Variants in MKNK2 observed in about 807,000 individuals in gnomAD.
MKNK2 encodes MAP kinase-interacting serine/threonine-protein kinase 2.
MKNK2 carries 54 observed loss-of-function variants against 55.0 expected under a neutral mutation model. The observed-to-expected ratio is 0.98, with a 90% CI of 0.79 to 1.23. The LOEUF (loss-of-function observed/expected upper bound fraction) is 1.23. Among genes scored for constraint, MKNK2 ranks in the 50% most tolerant of loss-of-function variants. The pLI is 0.00. For synonymous variants in MKNK2, 323 were observed against 256.0 expected, an observed-to-expected ratio of 1.26 and a Z score of -2.50; for missense variants, 685 against 632.1, an observed-to-expected ratio of 1.08 and a Z score of -0.90.
Position 2,042,651 on chromosome 19 carries a change from T to A in MKNK2, c.610A>T (p.Arg204Trp). The change falls in exon 9 of 14, where the codon AGG (arginine) becomes TGG (tryptophan). Residue 204 changes from arginine to tryptophan, a missense_variant. Physicochemically the swap from Arg to Trp is moderately radical, Grantham distance 101 (BLOSUM62 -3). Coordinates refer to ENST00000250896, the MANE Select transcript of MKNK2 (RefSeq NM_199054.3). ...DFLHNKGIAH[R>W]DLKPENILCE... ...AGGATGTTTTCCGGCTTTAGGTCCC[T>A]GTGGGCGATGCCTGGGGGAGAAGCC... The A allele has an allele frequency of 6.4e-7, 1 of 1,562,164 alleles. No homozygotes were observed. Among genetic ancestry groups the A allele is most frequent in the Non-Finnish European group, 8.7e-7 (1 of 1,152,562 alleles).
Position 2,038,247 on chromosome 19 carries a change from G to GA in MKNK2, c.*1365_*1366insT. 1 of 959,036 alleles carries GA rather than the reference G, an allele frequency of 1.0e-6. No homozygotes were observed. The highest frequency in any genetic ancestry group is 1.2e-6 in the Non-Finnish European group (1 of 806,668). The allele number at this position is 959,036 out of a possible 1,614,324, so 59.4% of individuals were successfully genotyped here. ...GGGAAGCAAAGTCCATCGATGTGTT[G>GA]TTTTTTTTTAAGGAAAAACTAAAAA... On this transcript the variant is annotated 3_prime_UTR_variant, in exon 14 of 14. Coordinates refer to ENST00000250896, the MANE Select transcript of MKNK2 (RefSeq NM_199054.3).
chr19:2,046,491 G>T lies in MKNK2; in HGVS notation c.140-23C>A, dbSNP rs369485731. ...TGTCTGTTCCAGGAGGCACGCCCAG[G>T]GGGCTCAGGACATGGCCCTGGCCGG... On this transcript the variant is annotated intron_variant, in intron 3 of 13. Transcript: ENST00000250896. The T allele has an allele frequency of 2.5e-6, 4 of 1,601,236 alleles. No homozygotes were observed. The African/African-American group carries it at 4.0e-5, about 16-fold the overall frequency.
At chr19:2,040,473 C>A in intron 12 of MKNK2, 1 of 432,960 alleles carries the variant, frequency 2.3e-6, no homozygotes, top group Admixed American at 3.9e-5. Flanking sequence ...CTGTTCCCAG[C>A]CCAAACCCAC....
rs1398251355 is a variant in MKNK2, at chr19:2,046,640, C to G, written c.103G>C (p.Asp35His). ...AFSLDQPDHG[D>H]SDFGLQCSAR... The stretch of plus-strand genomic sequence containing the variant: ...GAGCACTGCAGGCCAAAGTCAGAGT[C>G]TCCGTGGTCGGGCTGGTCTAGGGAG... The change falls in exon 3 of 14, where the codon GAC (aspartate) becomes CAC (histidine). Residue 35 changes from aspartate (D) to histidine (H), a missense_variant. By Grantham distance (81) the Asp-to-His change is moderately conservative. Transcript: ENST00000250896. The G allele has an allele frequency of 6.4e-7, 1 of 1,566,190 alleles. No homozygotes were observed. The highest frequency in any genetic ancestry group is 2.0e-5 in the Admixed American group (1 of 50,860).
intron 5 of MKNK2, 42 bp from the exon 6 acceptor site, chr19:2,043,624 G>T: frequency 6.3e-7 from 1 of 1,574,898 alleles, no homozygotes; most frequent in Non-Finnish European, 8.7e-7. Flanking sequence ...TTGGTGGGAC[G>T]CTCATAGTCG....
chr19:2,039,662 C>G lies in MKNK2; in HGVS notation c.1349G>C (p.Arg450Thr), dbSNP rs1355898630. Residue 450 changes from arginine (R) to threonine (T), a missense_variant, in exon 14 of 14, where the codon AGG (arginine) becomes ACG (threonine). Coordinates refer to ENST00000250896, the MANE Select transcript of MKNK2 (RefSeq NM_199054.3). ...CACTGGGGCCGAGGACAGACTGGCC[C>G]TTTGCCGCCGCTGCGCCAGCTTGGA... ...SQSKLAQRRQ[R>T]ASLSSAPVVL... is the part of the protein sequence containing the mutation. The G allele has an allele frequency of 6.2e-7, 1 of 1,612,642 alleles. No individual in the cohort carries two copies. The highest frequency in any genetic ancestry group is 1.7e-5 in the Admixed American group (1 of 59,992).
chr19:2,040,845 G>A (rs930298260), intron 12 of MKNK2, 195 bp downstream of exon 12: 5 of 609,378 alleles, frequency 8.2e-6, no homozygotes, highest in Non-Finnish European at 1.1e-5. Context: ...CCGCCTGGCT[G>A]GCCAGCGGGC....
chr19:2,048,261 A>G (rs2017041440), intron 2 of MKNK2, among the ~76,000 whole-genome samples: 1 of 152,102 alleles, frequency 6.6e-6, no homozygotes, highest in Non-Finnish European at 1.5e-5. Flanking sequence ...CCCCAGGACC[A>G]TGGGAGCAAG....
Position 2,039,735 on chromosome 19 carries a change from G to A in MKNK2, c.1276C>T (p.Leu426=). The change falls in exon 14 of 14, where the codon CTG becomes TTG. Residue 426 remains leucine (L), a synonymous_variant. Coordinates refer to ENST00000250896, the MANE Select transcript of MKNK2 (RefSeq NM_199054.3). The part of the protein sequence containing the change: ...EEAAGQGQPV[L]VRATSRCLQL... Reference sequence around the variant, plus strand: ...AGGCAGCGTGAGGTAGCTCGGACCAGGACGGGCTGGCCCTGCCCCGCGGCC... The same window carrying A: ...AGGCAGCGTGAGGTAGCTCGGACCAAGACGGGCTGGCCCTGCCCCGCGGCC... 1 of 1,610,896 alleles carries A rather than the reference G, an allele frequency of 6.2e-7. No individual in the cohort carries two copies. Among genetic ancestry groups the A allele is most frequent in the Non-Finnish European group, 8.5e-7 (1 of 1,179,816 alleles).
intron 5 of MKNK2, among the ~76,000 whole-genome samples, chr19:2,044,829 G>A (rs552027850): frequency 6.6e-6 from 1 of 152,326 alleles, no homozygotes; most frequent in East Asian, 1.9e-4. Context: ...TGGCTGGCTA[G>A]AATGCTGCTT....
chr19:2,038,340 C>CG lies in MKNK2; in HGVS notation c.*1272dup. ...GAGGGGCTGCCCCAGCTGTGGAGCT[C>CG]GGGGGCTGCGCCGGGAAGGGCGGGC... On this transcript the variant is annotated 3_prime_UTR_variant, in exon 14 of 14. Coordinates refer to ENST00000250896, the MANE Select transcript of MKNK2 (RefSeq NM_199054.3). The CG allele has an allele frequency of 1.0e-6, 1 of 986,458 alleles. No homozygotes were observed. The highest frequency in any genetic ancestry group is 1.2e-6 in the Non-Finnish European group (1 of 830,396). The allele number at this position is 986,458 out of a possible 1,614,324, so 61.1% of individuals were successfully genotyped here.
At chr19:2,048,798 G>C (rs577532362) in intron 2 of MKNK2, among the ~76,000 whole-genome samples, 26 of 151,916 alleles carry the variant, frequency 1.7e-4, no homozygotes, top group Admixed American at 3.3e-4. Context: ...GGGAAGGAAG[G>C]GGGGGGCTCC....
At chr19:2,042,055 C>T in intron 10 of MKNK2, 21 bp from the exon 11 acceptor site, 1 of 1,465,132 alleles carries the variant, frequency 6.8e-7, no homozygotes, top group Non-Finnish European at 9.0e-7. Context: ...GGGAGGGGCG[C>T]GTCAGCCGGG....
intron 5 of MKNK2, among the ~76,000 whole-genome samples, chr19:2,044,653 G>C (rs749551411): frequency 1.8e-4 from 27 of 152,358 alleles, no homozygotes; most frequent in Admixed American, 6.5e-4. Context: ...TGCCTCTGCA[G>C]TCCCATGTCT....
rs1430956641 is a variant in MKNK2, at chr19:2,041,989, T to C, written c.796A>G (p.Ser266Gly). Residue 266 changes from serine (S) to glycine (G), a missense_variant, in exon 11 of 14, where the codon AGC (serine) becomes GGC (glycine). Physicochemically the swap from Ser to Gly is moderately conservative, Grantham distance 56 (BLOSUM62 0). Coordinates refer to ENST00000250896, the MANE Select transcript of MKNK2 (RefSeq NM_199054.3). ...TTGTCGTAGATGCTAGCCTCCTCGC[T>C]GAAGGCCTCCACTACCTCCGGGGCC... ...YMAPEVVEAF[S>G]EEASIYDKRC... The C allele has an allele frequency of 6.4e-7, 1 of 1,557,542 alleles. No individual in the cohort carries two copies. Among genetic ancestry groups the C allele is most frequent in the South Asian group, 1.2e-5 (1 of 84,890 alleles).
At position 2,043,113 on chromosome 19, in the gene MKNK2, C is replaced by T; in HGVS notation, c.493+11G>A. On this transcript the variant is annotated intron_variant, in intron 7 of 13. Coordinates refer to ENST00000250896, the MANE Select transcript of MKNK2 (RefSeq NM_199054.3). ...CTCCCTCCCTCCTCACAGCCTGGAG[C>T]CCCCAGGTACCTCCCCGCATCTTCT... The T allele has an allele frequency of 6.2e-7, 1 of 1,606,366 alleles. No individual in the cohort carries two copies. The highest frequency in any genetic ancestry group is 8.5e-7 in the Non-Finnish European group (1 of 1,173,216).
rs3746100 is a variant in MKNK2, at chr19:2,050,662, G to A, written c.51+139C>T. On this transcript the variant is annotated intron_variant, in intron 2 of 13. Transcript: ENST00000250896. ...ACCGACCCCGCTTCAGCGCACGGCCGGCCCGGGCAGCCCCGGGTGTAGGGC... is the reference window on the plus strand; with the variant it reads ...ACCGACCCCGCTTCAGCGCACGGCCAGCCCGGGCAGCCCCGGGTGTAGGGC... The A allele has an allele frequency of 1.6e-3, 1,189 of 732,886 alleles. 23 individuals are homozygous for A. The East Asian group carries it at 0.032, about 20-fold the overall frequency. 45.4% of individuals were successfully genotyped at this position (732,886 alleles called of 1,614,324 possible). A position where few individuals can be genotyped will look rare whatever the true frequency, so the allele number is the denominator to read the frequency against.
At chr19:2,041,489 AG>A (rs1208343281) in intron 11 of MKNK2, among the ~76,000 whole-genome samples, 1 of 152,052 alleles carries the variant, frequency 6.6e-6, no homozygotes, top group Non-Finnish European at 1.5e-5. Context: ...CCCCCAAACC[AG>A]GGGCCTCACT....
In MKNK2 at chr19:2,040,037, C is replaced by T. The variant is rs967645745; in HGVS notation, c.1154+97G>A. 3.3e-5 allele frequency: 47 copies of T among 1,446,100 alleles called. No individual in the cohort carries two copies. In the East Asian group the frequency reaches 3.4e-4, roughly 10 times the overall value. The allele number at this position is 1,446,100 out of a possible 1,614,324, so 89.6% of individuals were successfully genotyped here. A position where few individuals can be genotyped will look rare whatever the true frequency, so the allele number is the denominator to read the frequency against. ...GAGTCACCAGGCTTGCCTGCCTCCC[C>T]GACCCCAAAGCAGTTCTCCGGGTCT... On this transcript the variant is annotated intron_variant, in intron 13 of 13. Coordinates refer to ENST00000250896, the MANE Select transcript of MKNK2 (RefSeq NM_199054.3).
Sources: gnomAD v4.1 joint callset for allele counts (sites outside exome capture counted in the v4.1 genomes callset) on GRCh38, gnomAD v4.1.1 for gene constraint, MANE v1.5 for transcripts, NCBI Gene and HGNC (gene_info 2026-07-23, HGNC 2026-07-21) for gene names.